SHISA6: variants seen among roughly 807,000 people sequenced by gnomAD.
SHISA6 encodes the protein protein shisa-6.
SHISA6 carries 22 observed loss-of-function variants against 47.9 expected under a neutral mutation model. That is an observed-to-expected ratio of 0.46 (90% confidence interval 0.33 to 0.66). SHISA6 has a LOEUF of 0.66. Among genes scored for constraint, SHISA6 ranks in the 30% least tolerant of loss-of-function variants. The pLI, the probability that SHISA6 is intolerant of heterozygous loss-of-function variation, is 0.02. For synonymous variants in SHISA6, 388 were observed against 337.8 expected (o/e 1.15, Z -1.63); for missense variants, 680 against 764.6 (o/e 0.89, Z 1.30).
chr17:11,252,830 T>A (rs1406482907), intron 1 of SHISA6, among the ~76,000 whole-genome samples: 2 of 152,178 alleles, frequency 1.3e-5, no homozygotes, highest in South Asian at 2.1e-4. Context: ...TGGGGAAGAA[T>A]CTGGATTCCA....
chr17:11,276,790 A>G (rs1467668652), intron 2 of SHISA6, among the ~76,000 whole-genome samples: 1 of 152,162 alleles, frequency 6.6e-6, no homozygotes, highest in Non-Finnish European at 1.5e-5. Context: ...TTTTTGAACC[A>G]TGTGAGAACA....
intron 2 of SHISA6, among the ~76,000 whole-genome samples, chr17:11,272,599 TA>T (rs1190504867): frequency 6.6e-6 from 1 of 152,208 alleles, no homozygotes; most frequent in Non-Finnish European, 1.5e-5. Context: ...AAGATTGACT[TA>T]ACCACCTCTG....
intron 2 of SHISA6, among the ~76,000 whole-genome samples, chr17:11,320,022 G>A (rs1910657817): frequency 6.6e-6 from 1 of 152,100 alleles, no homozygotes; most frequent in South Asian, 2.1e-4. Context: ...AAAATCAGTG[G>A]CTATTTCCTT....
chr17:11,485,098 C>T (rs961684004), intron 3 of SHISA6, among the ~76,000 whole-genome samples: 4 of 152,120 alleles, frequency 2.6e-5, no homozygotes, highest in Non-Finnish European at 5.9e-5. Flanking sequence ...CCTTGATGTT[C>T]TTCTAAAAGT....
intron 2 of SHISA6, among the ~76,000 whole-genome samples, chr17:11,271,578 C>T (rs1294242234): frequency 6.8e-6 from 1 of 147,524 alleles, no homozygotes; most frequent in Non-Finnish European, 1.5e-5. Flanking sequence ...GCTGGAATTA[C>T]AGGTGCACAC....
intron 3 of SHISA6, among the ~76,000 whole-genome samples, chr17:11,529,617 T>C (rs1386218438): frequency 2.6e-5 from 4 of 152,282 alleles, no homozygotes; most frequent in South Asian, 2.1e-4. Context: ...TGCTCAAAAA[T>C]TGCTTTGTGA....
intron 1 of SHISA6, among the ~76,000 whole-genome samples, chr17:11,251,832 T>C (rs1907821938): frequency 6.6e-6 from 1 of 152,098 alleles, no homozygotes; most frequent in African/African-American, 2.4e-5. Flanking sequence ...AAGGAAGGAA[T>C]CCTGGGACAC....
chr17:11,252,465 G>A (rs1907851231), intron 1 of SHISA6, among the ~76,000 whole-genome samples: 1 of 152,162 alleles, frequency 6.6e-6, no homozygotes, highest in Admixed American at 6.5e-5. Flanking sequence ...TCAGTGGGAG[G>A]AATATGAATT....
At chr17:11,438,894 T>C (rs1288212027) in intron 3 of SHISA6, among the ~76,000 whole-genome samples, 1 of 152,074 alleles carries the variant, frequency 6.6e-6, no homozygotes, top group East Asian at 1.9e-4. Flanking sequence ...AAGACGAAGA[T>C]TCATGTGCAG....
intron 3 of SHISA6, among the ~76,000 whole-genome samples, chr17:11,463,268 G>C (rs891153271): frequency 6.6e-6 from 1 of 152,192 alleles, no homozygotes; most frequent in African/African-American, 2.4e-5. Flanking sequence ...TGTTTGTAGA[G>C]CTCTTGACAC....
intron 2 of SHISA6, among the ~76,000 whole-genome samples, chr17:11,271,629 T>G: frequency 1.5e-5 from 1 of 66,602 alleles, no homozygotes. Context: ...TTTTTTTTTT[T>G]TTGTATTTTT....
intron 5 of SHISA6, 40 bp downstream of exon 5, chr17:11,555,932 G>A: frequency 6.8e-7 from 1 of 1,478,404 alleles, no homozygotes; most frequent in Non-Finnish European, 9.0e-7. Context: ...TGTCTCTGGG[G>A]CTCCAAGATA....
At position 11,438,104 on chromosome 17, in the gene SHISA6, T is replaced by C. The variant is rs141276756; in HGVS notation, c.895+58595T>C. The stretch of plus-strand genomic sequence containing the variant: ...GCCAACTGAGGGCCAGCACTTTGCA[T>C]TGCCCATTGCTATATTACTCATTGC... On this transcript the variant is annotated intron_variant, in intron 3 of 5. Coordinates refer to ENST00000441885, the MANE Select transcript of SHISA6 (RefSeq NM_207386.4). Among the ~76,000 whole-genome samples, 1,215 of 152,298 alleles carry C rather than the reference T, an allele frequency of 8.0e-3. 24 individuals carry two copies. The highest frequency in any genetic ancestry group is 0.028 in the African/African-American group (1,146 of 41,574).
In SHISA6 at chr17:11,500,547, G is replaced by A. The variant is rs538777104; in HGVS notation, c.896-51349G>A. ...AAGGTTCCATGGTAGTGTCAAGTGG[G>A]GACCTCCAGTCCAGGCCACGTTTTA... On this transcript the variant is annotated intron_variant, in intron 3 of 5. Coordinates refer to ENST00000441885, the MANE Select transcript of SHISA6 (RefSeq NM_207386.4). 1.8e-4 allele frequency among the ~76,000 whole-genome samples: 28 copies of A among 152,266 alleles called. 2 individuals are homozygous for A. In the South Asian group the frequency reaches 3.3e-3, roughly 18 times the overall value.
rs371226444 is a variant in SHISA6 at position 11,475,083 on chromosome 17, C to A, written c.896-76813C>A. Among the ~76,000 whole-genome samples the A allele has an allele frequency of 3.6e-3, 547 of 152,174 alleles. 6 individuals are homozygous for A. The highest frequency in any genetic ancestry group is 0.013 in the African/African-American group (523 of 41,526). On this transcript the variant is annotated intron_variant, in intron 3 of 5. Coordinates refer to ENST00000441885, the MANE Select transcript of SHISA6 (RefSeq NM_207386.4). Reference sequence around the variant, plus strand: ...TTGTTAGATTTATACCTAAGTATTTCATGTTTTTAACTTAAATTTTACTTG... The same window carrying A: ...TTGTTAGATTTATACCTAAGTATTTAATGTTTTTAACTTAAATTTTACTTG...
At chr17:11,294,291 C>T (rs964061302) in intron 2 of SHISA6, among the ~76,000 whole-genome samples, 2 of 152,220 alleles carry the variant, frequency 1.3e-5, no homozygotes, top group African/African-American at 2.4e-5. Flanking sequence ...CTCTTCCATA[C>T]ATTTCTCCAG....
intron 2 of SHISA6, among the ~76,000 whole-genome samples, chr17:11,331,114 T>A (rs189779056): frequency 6.6e-6 from 1 of 152,194 alleles, no homozygotes; most frequent in African/African-American, 2.4e-5. Context: ...GCGCAGTAAC[T>A]CTCCCAGGGT....
chr17:11,299,894 T>C (rs563166673), intron 2 of SHISA6, among the ~76,000 whole-genome samples: 70 of 151,942 alleles, frequency 4.6e-4, no homozygotes, highest in Non-Finnish European at 8.4e-4. Flanking sequence ...GTCTGTAATC[T>C]CAGCACTTTG....
At chr17:11,317,982 C>G (rs1280514066) in intron 2 of SHISA6, among the ~76,000 whole-genome samples, 2 of 152,180 alleles carry the variant, frequency 1.3e-5, no homozygotes, top group Admixed American at 1.3e-4. Context: ...ACTCATTCCA[C>G]CTGGATTATT....
Sources: allele counts gnomAD v4.1 joint callset (sites outside exome capture counted in the v4.1 genomes callset), GRCh38; gene constraint gnomAD v4.1.1; transcripts MANE v1.5; gene names NCBI Gene and HGNC (gene_info 2026-07-23, HGNC 2026-07-21).